CSTPP1: variants seen among roughly 807,000 people sequenced by gnomAD.
CSTPP1 encodes the protein UPF0705 protein C11orf49.
chr11:46,958,469 G>C, the CSTPP1 span, among the ~76,000 whole-genome samples: 1 of 149,144 alleles, frequency 6.7e-6, no homozygotes, highest in Non-Finnish European at 1.5e-5. Context: ...AGTTATATGT[G>C]GATATTTTTT....
chr11:47,107,633 A>AG, the CSTPP1 span, among the ~76,000 whole-genome samples: 2 of 152,000 alleles, frequency 1.3e-5, no homozygotes, highest in Non-Finnish European at 2.9e-5. Flanking sequence ...GAGTTTGTCC[A>AG]GGAGAGAAGG....
At chr11:47,020,630 GAA>G in the CSTPP1 span, among the ~76,000 whole-genome samples, 2 of 152,218 alleles carry the variant, frequency 1.3e-5, no homozygotes, top group East Asian at 3.9e-4. Flanking sequence ...TTTTGCTTAG[GAA>G]TTTGGGGATT....
chr11:47,067,351 G>T, the CSTPP1 span, among the ~76,000 whole-genome samples: 1 of 152,002 alleles, frequency 6.6e-6, no homozygotes, highest in African/African-American at 2.4e-5. Flanking sequence ...GTTGTTCAAT[G>T]GTATTATTTT....
chr11:47,089,237 T>A, the CSTPP1 span, among the ~76,000 whole-genome samples: 1 of 152,166 alleles, frequency 6.6e-6, no homozygotes, highest in Non-Finnish European at 1.5e-5. Context: ...AAAGAGTTGA[T>A]GTTGACAGTA....
chr11:47,156,366 T>G, the CSTPP1 span, among the ~76,000 whole-genome samples: 1 of 152,238 alleles, frequency 6.6e-6, no homozygotes, highest in Non-Finnish European at 1.5e-5. Flanking sequence ...TTACTGACAC[T>G]GCCCAGCGGT....
At chr11:47,028,988 C>T in the CSTPP1 span, among the ~76,000 whole-genome samples, 1 of 152,088 alleles carries the variant, frequency 6.6e-6, no homozygotes, top group Non-Finnish European at 1.5e-5. Flanking sequence ...CAGGCGCAGG[C>T]CACCATGCCC....
At chr11:47,016,366 A>G in the CSTPP1 span, among the ~76,000 whole-genome samples, 4 of 150,984 alleles carry the variant, frequency 2.6e-5, no homozygotes, top group Admixed American at 6.6e-5. Flanking sequence ...ATGATTGTCT[A>G]TATAGAAAAG....
the CSTPP1 span, among the ~76,000 whole-genome samples, chr11:47,100,508 C>T: frequency 3.9e-5 from 6 of 152,154 alleles, no homozygotes; most frequent in African/African-American, 1.4e-4. Context: ...TAATGTTATT[C>T]AAGCCAGGTG....
At chr11:47,012,536 T>C in the CSTPP1 span, among the ~76,000 whole-genome samples, 1 of 152,072 alleles carries the variant, frequency 6.6e-6, no homozygotes, top group Admixed American at 6.5e-5. Context: ...AAGCAAACTT[T>C]ATTTGCTTTG....
chr11:47,147,599 T>G, the CSTPP1 span, among the ~76,000 whole-genome samples: 2 of 151,908 alleles, frequency 1.3e-5, no homozygotes, highest in Non-Finnish European at 2.9e-5. Context: ...TAACAAACAC[T>G]CAGGCTGGGA....
chr11:47,109,742 C>CA, the CSTPP1 span, among the ~76,000 whole-genome samples: 1 of 152,204 alleles, frequency 6.6e-6, no homozygotes, highest in African/African-American at 2.4e-5. Context: ...TCAGTGTCCC[C>CA]ACCCTCCCCC....
chr11:47,012,860 C>G, the CSTPP1 span, among the ~76,000 whole-genome samples: 1 of 151,758 alleles, frequency 6.6e-6, no homozygotes, highest in African/African-American at 2.4e-5. Flanking sequence ...TTTTTTTATA[C>G]TACCGAGGTC....
chr11:47,085,822 A>G, the CSTPP1 span, among the ~76,000 whole-genome samples: 1 of 151,914 alleles, frequency 6.6e-6, no homozygotes, highest in Non-Finnish European at 1.5e-5. Context: ...CCCAGGAAGC[A>G]GAGCCAAGGT....
chr11:47,128,376 A>G, the CSTPP1 span, among the ~76,000 whole-genome samples: 1 of 152,110 alleles, frequency 6.6e-6, no homozygotes, highest in Admixed American at 6.5e-5. Context: ...GATTCCTTAC[A>G]AGATTTTCAT....
chr11:47,085,129 G>A, the CSTPP1 span, among the ~76,000 whole-genome samples: 28 of 152,116 alleles, frequency 1.8e-4, no homozygotes, highest in Admixed American at 3.3e-4. Context: ...GCTTGAACCC[G>A]AGAGGCAGAG....
At chr11:47,120,577 T>C in the CSTPP1 span, among the ~76,000 whole-genome samples, 1 of 152,168 alleles carries the variant, frequency 6.6e-6, no homozygotes, top group South Asian at 2.1e-4. The surrounding 1 kb of genome is among the most constrained non-coding windows in gnomAD (Gnocchi z 4.2). Flanking sequence ...ATGGGTCAGA[T>C]AGACAAATAA....
the CSTPP1 span, among the ~76,000 whole-genome samples, chr11:47,082,873 TTTTC>T: frequency 6.6e-6 from 1 of 152,186 alleles, no homozygotes; most frequent in Non-Finnish European, 1.5e-5. Context: ...CAATGTTTTC[TTTTC>T]TTTGTTTTTA....
chr11:46,975,492 G>A, the CSTPP1 span, among the ~76,000 whole-genome samples: 2 of 152,094 alleles, frequency 1.3e-5, no homozygotes, highest in African/African-American at 4.8e-5. Flanking sequence ...TAGAAATACA[G>A]GGGGTACATT....
the CSTPP1 span, chr11:47,156,894 C>A: frequency 2.3e-6 from 2 of 873,634 alleles, no homozygotes; most frequent in Non-Finnish European, 1.7e-6. Context: ...GCTCTCAGGA[C>A]ACCATGCCCT....
Sources: gnomAD v4.1 joint callset for allele counts (sites outside exome capture counted in the v4.1 genomes callset) on GRCh38, gnomAD v4.1.1 for gene constraint, Gnocchi (gnomAD v3.1) non-coding constraint, MANE v1.5 for transcripts, NCBI Gene and HGNC (gene_info 2026-07-23, HGNC 2026-07-21) for gene names.